The following ROBO1 variants were observed in gnomAD, a reference collection of about 807,000 sequenced individuals.
The protein encoded by ROBO1 is roundabout homolog 1.
Under a neutral mutation model 195.9 loss-of-function variants are expected in ROBO1, and 149 were observed. That is an observed-to-expected ratio of 0.76 (90% CI 0.67 to 0.87). The LOEUF is 0.87. ROBO1 is among the 40% of genes least tolerant of loss of function. The pLI is 0.00. For synonymous variants in ROBO1, 816 were observed against 733.2 expected, an observed-to-expected ratio of 1.11 and a Z score of -1.82; for missense variants, 1,933 against 2,068.3, an observed-to-expected ratio of 0.93 and a Z score of 1.27.
intron 4 of ROBO1, among the ~76,000 whole-genome samples, chr3:78,877,422 A>C (rs1385144115): frequency 2.6e-5 from 4 of 152,124 alleles, no homozygotes; most frequent in African/African-American, 9.7e-5. Context: ...TGAAATAACA[A>C]CAAGAATAAA....
intron 3 of ROBO1, among the ~76,000 whole-genome samples, chr3:78,951,942 G>A (rs1237435715): frequency 6.6e-6 from 1 of 151,680 alleles, no homozygotes; most frequent in Non-Finnish European, 1.5e-5. Context: ...ATTCTGTTGA[G>A]GTAAGCATAA....
intron 3 of ROBO1, among the ~76,000 whole-genome samples, chr3:78,953,467 T>C (rs562220771): frequency 3.4e-4 from 52 of 152,216 alleles, no homozygotes; most frequent in African/African-American, 1.3e-3. Flanking sequence ...TACTGTAGTA[T>C]GAATTGTGTT....
intron 22 of ROBO1, among the ~76,000 whole-genome samples, chr3:78,637,177 CAT>C (rs1346453982): frequency 1.5e-4 from 22 of 150,584 alleles, no homozygotes; most frequent in Non-Finnish European, 1.2e-4. Flanking sequence ...TATAAATTAA[CAT>C]GTTTGTTACT....
intron 1 of ROBO1, among the ~76,000 whole-genome samples, chr3:79,722,782 T>C (rs369234902): frequency 6.6e-6 from 1 of 152,152 alleles, no homozygotes; most frequent in African/African-American, 2.4e-5. Context: ...GGCTTATATA[T>C]ACTAGTTACT....
chr3:79,541,293 G>C (rs528494291), intron 2 of ROBO1, among the ~76,000 whole-genome samples: 50 of 152,138 alleles, frequency 3.3e-4, no homozygotes, highest in African/African-American at 1.1e-3. Flanking sequence ...TGACGTGACA[G>C]GCCAATTCAT....
chr3:79,264,177 T>C (rs2082992007), intron 2 of ROBO1, among the ~76,000 whole-genome samples: 1 of 152,042 alleles, frequency 6.6e-6, no homozygotes, highest in Non-Finnish European at 1.5e-5. Flanking sequence ...ATCCTGCTTT[T>C]TCAACCCACT....
intron 1 of ROBO1, among the ~76,000 whole-genome samples, chr3:79,603,092 T>C (rs985984558): frequency 2.0e-5 from 3 of 152,004 alleles, no homozygotes; most frequent in Non-Finnish European, 4.4e-5. Flanking sequence ...TGGGTTGTCA[T>C]ATGTAGTTTA....
intron 2 of ROBO1, among the ~76,000 whole-genome samples, chr3:79,473,854 C>G (rs575386492): frequency 1.3e-5 from 2 of 151,980 alleles, no homozygotes; most frequent in African/African-American, 2.4e-5. Flanking sequence ...AAAAATTACT[C>G]TTTATATCAA....
At chr3:78,803,087 T>C (rs2084418144) in intron 4 of ROBO1, among the ~76,000 whole-genome samples, 1 of 152,276 alleles carries the variant, frequency 6.6e-6, no homozygotes, top group East Asian at 1.9e-4. Context: ...AAATTTGCCA[T>C]TGTAGATAAA....
intron 2 of ROBO1, among the ~76,000 whole-genome samples, chr3:79,568,211 G>A (rs1943152504): frequency 6.6e-6 from 1 of 152,110 alleles, no homozygotes; most frequent in African/African-American, 2.4e-5. Flanking sequence ...AATATTTTAT[G>A]TGCTAAAAAT....
intron 2 of ROBO1, among the ~76,000 whole-genome samples, chr3:79,265,150 A>C (rs2108953232): frequency 6.6e-6 from 1 of 152,010 alleles, no homozygotes; most frequent in African/African-American, 2.4e-5. Flanking sequence ...CTAATCAGAT[A>C]ATATACATAA....
intron 5 of ROBO1, among the ~76,000 whole-genome samples, chr3:78,734,192 T>A (rs1300158981): frequency 6.6e-6 from 1 of 152,108 alleles, no homozygotes; most frequent in Non-Finnish European, 1.5e-5. Context: ...GTTGGCGGAA[T>A]TCCATGTGGA....
chr3:79,148,439 T>C (rs2080698563), intron 2 of ROBO1, among the ~76,000 whole-genome samples: 1 of 151,792 alleles, frequency 6.6e-6, no homozygotes, highest in Non-Finnish European at 1.5e-5. Context: ...GACAGATCTC[T>C]TAAAAAATTT....
At chr3:79,173,550 C>T (rs954179981) in intron 2 of ROBO1, among the ~76,000 whole-genome samples, 1 of 152,114 alleles carries the variant, frequency 6.6e-6, no homozygotes, top group African/African-American at 2.4e-5. Context: ...TGGGCCTTAT[C>T]TGCCTTCCCA....
intron 4 of ROBO1, among the ~76,000 whole-genome samples, chr3:78,920,624 GTTTTTTTTTTTTTT>G (rs34364869): frequency 1.6e-5 from 1 of 60,962 alleles, no homozygotes; most frequent in East Asian, 5.8e-4. Context: ...CTTTCTTTCA[GTTTTTTTTTTTTTT>G]TTTTTTTTTT....
At chr3:79,275,442 A>G (rs1453497644) in intron 2 of ROBO1, among the ~76,000 whole-genome samples, 4 of 152,020 alleles carry the variant, frequency 2.6e-5, no homozygotes, top group Admixed American at 2.0e-4. Context: ...CCTTCATGAA[A>G]AAAACCCTCA....
chr3:78,809,920 T>C (rs1576210075), intron 4 of ROBO1, among the ~76,000 whole-genome samples: 2 of 151,276 alleles, frequency 1.3e-5, no homozygotes, highest in South Asian at 4.2e-4. Flanking sequence ...CAAACCACCA[T>C]GGCATGTGTA....
At chr3:78,849,215 C>T (rs971105083) in intron 4 of ROBO1, among the ~76,000 whole-genome samples, 9 of 151,978 alleles carry the variant, frequency 5.9e-5, no homozygotes, top group East Asian at 1.9e-4. Context: ...TGGGCAATTC[C>T]GTGGAGCAAT....
intron 2 of ROBO1, among the ~76,000 whole-genome samples, chr3:79,270,448 C>A (rs980809266): frequency 7.3e-5 from 11 of 150,214 alleles, no homozygotes; most frequent in African/African-American, 2.5e-4. Context: ...TAAAAAAAAA[C>A]AAATAAATTA....
Sources: gnomAD v4.1 joint callset for allele counts (sites outside exome capture counted in the v4.1 genomes callset) on GRCh38, gnomAD v4.1.1 for gene constraint, MANE v1.5 for transcripts, NCBI Gene and HGNC (gene_info 2026-07-23, HGNC 2026-07-21) for gene names.